CNTNAP2: variants seen among roughly 807,000 people sequenced by gnomAD.
CNTNAP2 encodes the protein contactin associated protein 2.
Under a neutral mutation model 155.2 loss-of-function variants are expected in CNTNAP2, and 98 were observed. The ratio of observed to expected loss-of-function variants is 0.63; its 90% CI spans 0.54 to 0.75. CNTNAP2 has a LOEUF of 0.75. Ranked by LOEUF, CNTNAP2 falls within the 30% of genes least tolerant of loss-of-function variation. The pLI, the probability that CNTNAP2 is intolerant of heterozygous loss-of-function variation, is 0.00. For synonymous variants in CNTNAP2, 651 were observed against 631.2 expected, an observed-to-expected ratio of 1.03 and a Z score of -0.47; for missense variants, 1,727 against 1,688.1, an observed-to-expected ratio of 1.02 and a Z score of -0.40.
At chr7:146,157,964 C>T (rs1362846460) in intron 1 of CNTNAP2, among the ~76,000 whole-genome samples, 1 of 152,178 alleles carries the variant, frequency 6.6e-6, no homozygotes, top group Non-Finnish European at 1.5e-5. Context: ...CCCCGAGTAG[C>T]CTAACTAGGA....
chr7:146,174,276 A>G (rs559542209), intron 1 of CNTNAP2, among the ~76,000 whole-genome samples: 24 of 152,150 alleles, frequency 1.6e-4, no homozygotes, highest in African/African-American at 5.5e-4. Context: ...ATAATAAGAA[A>G]TGTAAGATTC....
chr7:147,542,301 TA>T lies in CNTNAP2; in HGVS notation c.1778-19825del, dbSNP rs5888269. On this transcript the variant is annotated intron_variant, in intron 11 of 23. Transcript: ENST00000361727. ...GGGAGACATTTGGATTGTTCAGTGG[TA>T]AAAAAAAAAAAGCTCCAAAAAAAAA... Among the ~76,000 whole-genome samples the T allele has an allele frequency of 3.9e-3, 554 of 143,534 alleles. 3 individuals are homozygous for T. The highest frequency in any genetic ancestry group is 0.012 in the African/African-American group (488 of 39,062). 94.2% of individuals were successfully genotyped at this position (143,534 alleles called of 152,430 possible). A position where few individuals can be genotyped will look rare whatever the true frequency, so the allele number is the denominator to read the frequency against.
At chr7:148,288,301 A>C (rs1797125707) in intron 21 of CNTNAP2, among the ~76,000 whole-genome samples, 1 of 150,884 alleles carries the variant, frequency 6.6e-6, no homozygotes, top group South Asian at 2.1e-4. Context: ...GGGTTTCACT[A>C]TGTTGGCCAA....
chr7:148,020,959 A>G (rs541996555), intron 15 of CNTNAP2, among the ~76,000 whole-genome samples: 4 of 152,244 alleles, frequency 2.6e-5, no homozygotes, highest in Non-Finnish European at 5.9e-5. Context: ...GACACCGTCA[A>G]TCATTGAATC....
chr7:148,180,637 T>C (rs1795020818), intron 18 of CNTNAP2, among the ~76,000 whole-genome samples: 1 of 152,156 alleles, frequency 6.6e-6, no homozygotes, highest in South Asian at 2.1e-4. Flanking sequence ...CTTTACCTCC[T>C]CAGACCCAGG....
intron 17 of CNTNAP2, among the ~76,000 whole-genome samples, chr7:148,157,249 C>T (rs1032041841): frequency 5.9e-5 from 9 of 152,098 alleles, no homozygotes; most frequent in Admixed American, 5.9e-4. Flanking sequence ...TAAATGAATA[C>T]GTTTATTTAT....
intron 3 of CNTNAP2, among the ~76,000 whole-genome samples, chr7:147,023,123 G>A (rs1236620242): frequency 2.0e-5 from 3 of 152,050 alleles, no homozygotes; most frequent in Non-Finnish European, 4.4e-5. Context: ...GAACCTTATC[G>A]TGTTGTTCAA....
intron 1 of CNTNAP2, among the ~76,000 whole-genome samples, chr7:146,629,994 CT>C (rs112133412): frequency 0.035 from 5,267 of 148,682 alleles, 309 homozygotes; most frequent in African/African-American, 0.12. Flanking sequence ...ATATGGTGTT[CT>C]TTTTTTTTTA....
At chr7:146,699,144 T>C (rs553358290) in intron 1 of CNTNAP2, among the ~76,000 whole-genome samples, 23 of 152,318 alleles carry the variant, frequency 1.5e-4, no homozygotes, top group Middle Eastern at 3.4e-3. Context: ...GTTTTGTCTC[T>C]TTAATCTGTG....
chr7:146,763,578 A>G (rs931525246), intron 1 of CNTNAP2, among the ~76,000 whole-genome samples: 3 of 152,180 alleles, frequency 2.0e-5, no homozygotes, highest in African/African-American at 7.2e-5. Flanking sequence ...GTCACTGGGT[A>G]GTTAATACTA....
chr7:146,567,427 T>A (rs1798374366), intron 1 of CNTNAP2, among the ~76,000 whole-genome samples: 2 of 152,162 alleles, frequency 1.3e-5, no homozygotes, highest in Non-Finnish European at 2.9e-5. Flanking sequence ...TTTAATTATA[T>A]TTGAAATTAT....
intron 15 of CNTNAP2, among the ~76,000 whole-genome samples, chr7:148,065,004 G>A (rs1029912185): frequency 6.6e-6 from 1 of 151,924 alleles, no homozygotes; most frequent in Non-Finnish European, 1.5e-5. Flanking sequence ...ATTATCATTC[G>A]GTTCGAAGAA....
At chr7:147,784,791 G>A (rs574618042) in intron 13 of CNTNAP2, among the ~76,000 whole-genome samples, 61 of 151,694 alleles carry the variant, frequency 4.0e-4, no homozygotes, top group African/African-American at 1.4e-3. Flanking sequence ...TGTGGTAGAA[G>A]ACAGCTGGGA....
intron 4 of CNTNAP2, among the ~76,000 whole-genome samples, chr7:147,064,695 C>T (rs1045067394): frequency 6.6e-5 from 10 of 152,180 alleles, no homozygotes; most frequent in African/African-American, 2.4e-4. Context: ...TATTCAATGT[C>T]AATATATCCT....
intron 20 of CNTNAP2, among the ~76,000 whole-genome samples, chr7:148,251,589 T>C (rs1206538212): frequency 6.6e-6 from 1 of 152,200 alleles, no homozygotes; most frequent in Non-Finnish European, 1.5e-5. Flanking sequence ...CAACTCTAAT[T>C]GCATGTTTGA....
chr7:148,000,100 G>A (rs1366863205), intron 15 of CNTNAP2, among the ~76,000 whole-genome samples: 1 of 152,188 alleles, frequency 6.6e-6, no homozygotes, highest in Non-Finnish European at 1.5e-5. Context: ...GGCTGTGTTT[G>A]TTATGGTTAA....
At chr7:146,334,152 C>G (rs1801231538) in intron 1 of CNTNAP2, among the ~76,000 whole-genome samples, 1 of 152,178 alleles carries the variant, frequency 6.6e-6, no homozygotes, top group African/African-American at 2.4e-5. Flanking sequence ...AGCGCCCTGG[C>G]CGGGCGCGGT....
At chr7:147,725,296 A>C (rs1049500138) in intron 13 of CNTNAP2, among the ~76,000 whole-genome samples, 2 of 152,114 alleles carry the variant, frequency 1.3e-5, no homozygotes, top group African/African-American at 4.8e-5. Flanking sequence ...CTAAAATTCA[A>C]GCCAAAGAAG....
At chr7:147,383,912 C>A (rs1796583532) in intron 9 of CNTNAP2, among the ~76,000 whole-genome samples, 1 of 151,792 alleles carries the variant, frequency 6.6e-6, no homozygotes, top group Non-Finnish European at 1.5e-5. Context: ...CTAAATAAAC[C>A]AATGCAGATA....
Sources: allele counts gnomAD v4.1 joint callset (sites outside exome capture counted in the v4.1 genomes callset), GRCh38; gene constraint gnomAD v4.1.1; transcripts MANE v1.5; gene names NCBI Gene and HGNC (gene_info 2026-07-23, HGNC 2026-07-21).